The following BMP1 variants were observed in gnomAD, a reference collection of about 807,000 sequenced individuals.
BMP1 encodes bone morphogenetic protein 1, also known as mammalian tolloid protein.
BMP1 carries 63 observed loss-of-function variants against 116.8 expected under a neutral mutation model. That is an observed-to-expected ratio of 0.54 (90% CI 0.44 to 0.67). The LOEUF is 0.67. Ranked by LOEUF, BMP1 falls within the 30% of genes least tolerant of loss-of-function variation. BMP1 has a pLI of 0.00. For missense variants in BMP1, 1,183 were observed against 1,358.9 expected, an observed-to-expected ratio of 0.87 and a Z score of 2.04; for synonymous variants, 536 against 533.4, an observed-to-expected ratio of 1.00 and a Z score of -0.07.
intron 15 of BMP1, 31 bp downstream of exon 15, chr8:22,197,451 A>C: frequency 1.9e-6 from 3 of 1,575,704 alleles, no homozygotes; most frequent in Non-Finnish European, 2.6e-6. Flanking sequence ...TCCTAGCCCC[A>C]CCTCTCCTCG....
intron 15 of BMP1, among the ~76,000 whole-genome samples, chr8:22,198,152 C>G (rs1829145858): frequency 6.6e-6 from 1 of 152,182 alleles, no homozygotes; most frequent in South Asian, 2.1e-4. Flanking sequence ...GTCACTCACT[C>G]CAGACCCTGT....
Position 22,176,254 on chromosome 8 carries a change from G to T in BMP1, c.374G>T (p.Arg125Leu), listed in dbSNP as rs139598412. 2 of 1,613,596 alleles carry T rather than the reference G, an allele frequency of 1.2e-6. No individual in the cohort carries two copies. Among genetic ancestry groups the T allele is most frequent in the South Asian group, 1.1e-5 (1 of 90,934 alleles). ...RSRSRRAATSRPERVWPDGVI... is the reference protein window; with the variant it reads ...RSRSRRAATSLPERVWPDGVI... Reference sequence around the variant, plus strand: ...CGTAGCCGGCGGGCGGCGACGTCCCGACCAGAGCGTGTGTGGCCCGATGGG... The same window carrying T: ...CGTAGCCGGCGGGCGGCGACGTCCCTACCAGAGCGTGTGTGGCCCGATGGG... Residue 125 changes from arginine (R) to leucine (L), a missense_variant, in exon 3 of 20, where the codon CGA becomes CTA. Physicochemically the swap from Arg to Leu is moderately radical, Grantham distance 102 (BLOSUM62 -2). Coordinates refer to ENST00000306385, the MANE Select transcript of BMP1 (RefSeq NM_006129.5).
intron 1 of BMP1, among the ~76,000 whole-genome samples, chr8:22,167,186 T>C (rs532978197): frequency 1.3e-5 from 2 of 152,320 alleles, no homozygotes; most frequent in African/African-American, 4.8e-5. Flanking sequence ...TGTCTCCTTG[T>C]GCCTCTTATC....
In BMP1 at chr8:22,197,355, T is replaced by C. The variant is rs1475121734; in HGVS notation, c.2042T>C (p.Met681Thr). The stretch of plus-strand genomic sequence containing the variant: ...GTCATCACCTCCCAGTACAACAACA[T>C]GCGCGTGGAGTTCAAGTCCGACAAC... ...PEVITSQYNNMRVEFKSDNTV... is the reference protein window; with the variant it reads ...PEVITSQYNNTRVEFKSDNTV... The change falls in exon 15 of 20, where the codon ATG (methionine) becomes ACG (threonine). Residue 681 changes from methionine to threonine, a missense_variant. Physicochemically the swap from Met to Thr is moderately conservative, Grantham distance 81. This residue lies in a region of BMP1 where 956 missense variants were observed against 1,135.2 expected (regional missense o/e 0.84). Transcript: ENST00000306385. 1 of 1,613,954 alleles carries C rather than the reference T, an allele frequency of 6.2e-7. No individual in the cohort carries two copies.
chr8:22,192,459 G>A (rs899791096), intron 9 of BMP1: 10 of 259,178 alleles, frequency 3.9e-5, no homozygotes, highest in Admixed American at 2.5e-4. Context: ...AGACAGACAG[G>A]CTGTTCTGCG....
At chr8:22,211,518 C>T in intron 19 of BMP1, 76 bp from the exon 20 acceptor site, 1 of 1,595,180 alleles carries the variant, frequency 6.3e-7, no homozygotes, top group South Asian at 1.1e-5. Flanking sequence ...CCCTTCAAAG[C>T]TGGGGATCTT....
chr8:22,179,363 T>C lies in BMP1; in HGVS notation c.837-342T>C, dbSNP rs567377284. On this transcript the variant is annotated intron_variant, in intron 6 of 19. Coordinates refer to ENST00000306385, the MANE Select transcript of BMP1 (RefSeq NM_006129.5). The surrounding 1 kb of genome is among the most constrained non-coding windows in gnomAD (Gnocchi z 4.6). ...GGGGCCCAGTGGGGCTGGAGAGAGA[T>C]GACCCGCTAGGGGCCTGTAGCTTTC... 3.5e-4 allele frequency among the ~76,000 whole-genome samples: 54 copies of C among 152,288 alleles called. No individual in the cohort carries two copies. The highest frequency in any genetic ancestry group is 2.5e-3 in the South Asian group (12 of 4,828).
Position 22,206,937 on chromosome 8 carries a change from T to C in BMP1, c.2317T>C (p.Cys773Arg), listed in dbSNP as rs199898566. The change falls in exon 17 of 20, where the codon TGC (cysteine) becomes CGC (arginine). Residue 773 changes from cysteine (C) to arginine (R), a missense_variant. Physicochemically the swap from Cys to Arg is radical, Grantham distance 180. This residue lies in a region of BMP1 where 956 missense variants were observed against 1,135.2 expected (regional missense o/e 0.84). Coordinates refer to ENST00000306385, the MANE Select transcript of BMP1 (RefSeq NM_006129.5). ...WPDKYPSKKECTWAISSTPGH... is the reference protein window; with the variant it reads ...WPDKYPSKKERTWAISSTPGH... ...TGACAAGTATCCCAGCAAGAAGGAG[T>C]GCACGTGGGCCATCTCCAGCACCCC... is the stretch of plus-strand genomic sequence containing the variant. 1 of 1,613,924 alleles carries C rather than the reference T, an allele frequency of 6.2e-7. No homozygotes were observed.
At chr8:22,206,676 A>AT (rs1829362656) in intron 16 of BMP1, among the ~76,000 whole-genome samples, 178 bp from the exon 17 acceptor site, 1 of 151,992 alleles carries the variant, frequency 6.6e-6, no homozygotes, top group South Asian at 2.1e-4. Flanking sequence ...GGGCAGCTAG[A>AT]TTTTCCCCAG....
intron 1 of BMP1, among the ~76,000 whole-genome samples, chr8:22,172,703 C>T (rs1828316220): frequency 6.7e-6 from 1 of 148,276 alleles, no homozygotes; most frequent in Non-Finnish European, 1.5e-5. Context: ...GCCTTGACCT[C>T]CTGGGTTCAA....
rs370838376 is a variant in BMP1, at chr8:22,194,513, C to T, written c.1366C>T (p.Arg456Trp). 13 of 1,614,060 alleles carry T rather than the reference C, an allele frequency of 8.1e-6. No individual in the cohort carries two copies. Among genetic ancestry groups the T allele is most frequent in the African/African-American group, 1.3e-5 (1 of 74,912 alleles). Residue 456 changes from arginine to tryptophan, a missense_variant, in exon 11 of 20, where the codon CGG becomes TGG. By Grantham distance (101) the Arg-to-Trp change is moderately radical. Transcript: ENST00000306385. The surrounding 1 kb of genome is among the most constrained non-coding windows in gnomAD (Gnocchi z 4.5). ...ATCGCCCAACTACCCAGACGATTAC[C>T]GGCCCAGCAAAGTCTGCATCTGGCG... ...IQSPNYPDDY[R>W]PSKVCIWRIQ...
At chr8:22,197,175 G>A (rs1409431280) in intron 14 of BMP1, 65 bp from the exon 15 acceptor site, 2 of 1,562,336 alleles carry the variant, frequency 1.3e-6, no homozygotes, top group African/African-American at 1.4e-5. Context: ...AGAGCTTCCC[G>A]AGGGCAGGAG....
Position 22,194,229 on chromosome 8 carries a change from T to C in BMP1, c.1297+55T>C. The C allele has an allele frequency of 1.3e-6, 2 of 1,556,078 alleles. No homozygotes were observed. The highest frequency in any genetic ancestry group is 4.5e-5 in the East Asian group (2 of 44,588). Reference sequence around the variant, plus strand: ...TCAGATAGGAGGTCTCTGGGCATGGTAAAACAACTCCCTCCTGGCACCTGA... The same window carrying C: ...TCAGATAGGAGGTCTCTGGGCATGGCAAAACAACTCCCTCCTGGCACCTGA... On this transcript the variant is annotated intron_variant, in intron 10 of 19. Coordinates refer to ENST00000306385, the MANE Select transcript of BMP1 (RefSeq NM_006129.5). This position sits in a 1 kb window ranked among gnomAD's most constrained non-coding sequence, Gnocchi z 4.5.
chr8:22,191,918 T>C, intron 8 of BMP1, 131 bp from the exon 9 acceptor site: 1 of 704,036 alleles, frequency 1.4e-6, no homozygotes, highest in Non-Finnish European at 2.4e-6. Flanking sequence ...AGGAGCTCCT[T>C]TTGGGAGCCC....
In BMP1 at chr8:22,207,324, G is replaced by C. The variant is rs773067475; in HGVS notation, c.2383G>C (p.Glu795Gln). ...VKLTFMEMDI[E>Q]SQPECAYDHL... ...CTAGACCTTCATGGAGATGGACATC[G>C]AGTCCCAGCCTGAGTGTGCCTACGA... The change falls in exon 18 of 20, where the codon GAG becomes CAG. Residue 795 changes from glutamate to glutamine, a missense_variant. Glu to Gln is a conservative substitution (Grantham distance 29, BLOSUM62 2). Coordinates refer to ENST00000306385, the MANE Select transcript of BMP1 (RefSeq NM_006129.5). The C allele has an allele frequency of 1.4e-5, 23 of 1,612,804 alleles. No individual in the cohort carries two copies. Among genetic ancestry groups the C allele is most frequent in the Non-Finnish European group, 2.0e-5 (23 of 1,178,836 alleles).
At chr8:22,173,034 C>A (rs1828325796) in intron 1 of BMP1, among the ~76,000 whole-genome samples, 1 of 152,192 alleles carries the variant, frequency 6.6e-6, no homozygotes, top group South Asian at 2.1e-4. Flanking sequence ...ATCTGGAAGA[C>A]CCTAGGTCAG....
intron 9 of BMP1, among the ~76,000 whole-genome samples, chr8:22,192,922 C>T (rs76670680): frequency 0.013 from 1,992 of 152,300 alleles, 26 homozygotes; most frequent in Middle Eastern, 0.11. Flanking sequence ...AACAGCCAGA[C>T]GGATATTGCT....
chr8:22,203,969 G>T (rs1829308507), intron 16 of BMP1, among the ~76,000 whole-genome samples: 1 of 152,218 alleles, frequency 6.6e-6, no homozygotes. Context: ...CTTTCCATCT[G>T]CTGATTCACC....
In BMP1 at chr8:22,196,219, G is replaced by T. The variant is rs771800110; in HGVS notation, c.1766-461G>T. The T allele has an allele frequency of 2.7e-4, 141 of 525,454 alleles. 1 individual carries two copies. Among genetic ancestry groups the T allele is most frequent in the South Asian group, 2.0e-3 (140 of 71,638 alleles). The allele number at this position is 525,454 out of a possible 1,614,324, so 32.5% of individuals were successfully genotyped here. ...ACAGGTTGGGAAACCCCTGTTGTGG[G>T]ACAGACACTGTTTCCGCCTCTCCAC... On this transcript the variant is annotated intron_variant, in intron 13 of 19. Transcript: ENST00000306385.
Sources: allele counts gnomAD v4.1 joint callset (sites outside exome capture counted in the v4.1 genomes callset), GRCh38; gene constraint gnomAD v4.1.1; regional missense constraint gnomAD v4.1.1; non-coding constraint Gnocchi (gnomAD v3.1); transcripts MANE v1.5; gene names NCBI Gene and HGNC (gene_info 2026-07-23, HGNC 2026-07-21).